The following RTTN variants were observed in gnomAD, a reference collection of about 807,000 sequenced individuals.
The protein encoded by RTTN is rotatin.
Under a neutral mutation model 269.2 loss-of-function variants are expected in RTTN, and 182 were observed. The observed-to-expected ratio is 0.68, with a 90% CI of 0.60 to 0.76. RTTN has a LOEUF of 0.76. RTTN is among the 30% of genes least tolerant of loss of function. The probability of loss-of-function intolerance (pLI) is 0.00; values close to 1 mark genes in which losing one functional copy is unlikely to be tolerated. For missense variants in RTTN, 2,545 were observed against 2,608.6 expected (o/e 0.98, Z 0.53); for synonymous variants, 1,006 against 963.5 (o/e 1.04, Z -0.82).
intron 10 of RTTN, among the ~76,000 whole-genome samples, chr18:70,186,423 A>G (rs2061548713): frequency 6.6e-6 from 1 of 152,180 alleles, no homozygotes; most frequent in Non-Finnish European, 1.5e-5. Context: ...AAACCTATCT[A>G]TGATGCCAAG....
rs189347156 is a variant in RTTN at position 70,196,482 on chromosome 18, A to T, written c.841+19T>A. On this transcript the variant is annotated intron_variant, in intron 7 of 48. Transcript: ENST00000640769. The stretch of plus-strand genomic sequence containing the variant: ...CTACAAATAACACCAGTGGCTAATG[A>T]ACAGATAAAAATAAATACCGTGTTT... 6.3e-7 allele frequency: 1 copy of T among 1,599,298 alleles called. No individual in the cohort carries two copies. The highest frequency in any genetic ancestry group is 1.8e-5 in the Admixed American group (1 of 56,400).
rs778423422 is a variant in RTTN at position 70,140,196 on chromosome 18, T to C, written c.2582-8A>G. ...CAGCATGCATTTTAATATCTGTAGA[T>C]AAAAAAAGTTACTAAAAGTTAAAGC... On this transcript the variant is annotated splice_region_variant and splice_polypyrimidine_tract_variant and intron_variant, in intron 19 of 48. Transcript: ENST00000640769. 2.0e-6 allele frequency: 3 copies of C among 1,497,978 alleles called. No individual in the cohort carries two copies. The highest frequency in any genetic ancestry group is 2.8e-6 in the Non-Finnish European group (3 of 1,079,246). The allele number at this position is 1,497,978 out of a possible 1,614,324, so 92.8% of individuals were successfully genotyped here.
At chr18:70,118,633 A>G (rs1263663858) in intron 26 of RTTN, among the ~76,000 whole-genome samples, 1 of 152,164 alleles carries the variant, frequency 6.6e-6, no homozygotes, top group African/African-American at 2.4e-5. Flanking sequence ...AACTACAAGA[A>G]AAGAAAATTA....
intron 41 of RTTN, 54 bp from the exon 42 acceptor site, chr18:70,030,163 A>G: frequency 8.8e-7 from 1 of 1,136,288 alleles, no homozygotes; most frequent in Non-Finnish European, 1.3e-6. Context: ...CAAGTAAGTT[A>G]TAACCACATA....
At chr18:70,060,705 T>C (rs530522755) in intron 35 of RTTN, among the ~76,000 whole-genome samples, 55 of 152,320 alleles carry the variant, frequency 3.6e-4, no homozygotes, top group African/African-American at 1.3e-3. Flanking sequence ...CTAGATCTTA[T>C]TCCTCCTAAC....
chr18:70,130,013 A>G (rs1481277938), intron 23 of RTTN: 1 of 152,104 alleles, frequency 6.6e-6, no homozygotes, highest in Non-Finnish European at 1.5e-5. Flanking sequence ...AATGACCAAC[A>G]GGTATATGAA....
chr18:70,185,737 A>T (rs917594684), intron 10 of RTTN, among the ~76,000 whole-genome samples: 2 of 152,176 alleles, frequency 1.3e-5, no homozygotes, highest in African/African-American at 4.8e-5. Flanking sequence ...ACAGATAACA[A>T]GATTTTATAG....
chr18:70,125,071 A>T (rs2059830832), intron 25 of RTTN, among the ~76,000 whole-genome samples: 2 of 152,078 alleles, frequency 1.3e-5, no homozygotes, highest in African/African-American at 4.8e-5. Context: ...GTTAGCATAC[A>T]CATATAAAAA....
chr18:70,013,159 C>T (rs1214718337), intron 46 of RTTN, among the ~76,000 whole-genome samples: 2 of 152,098 alleles, frequency 1.3e-5, no homozygotes, highest in African/African-American at 2.4e-5. Flanking sequence ...CAATTTATCA[C>T]GTGAGGTTAT....
chr18:70,134,799 T>A (rs2060083932), intron 22 of RTTN, among the ~76,000 whole-genome samples: 2 of 152,126 alleles, frequency 1.3e-5, no homozygotes, highest in African/African-American at 4.8e-5. Context: ...ACTTTGTGCG[T>A]CTCCTCCCAC....
rs1353396971 is a variant in RTTN at position 70,030,010 on chromosome 18, A to T, written c.5745+2T>A. On this transcript the variant is annotated splice_donor_variant, in intron 42 of 48. Coordinates refer to ENST00000640769, the MANE Select transcript of RTTN (RefSeq NM_173630.4). LOFTEE classifies it high-confidence loss of function. ...AGCCATTCATTTATCCCAGAATGTTACCTTTTTTTTCAATGCTGCTTTCCC... is the reference window on the plus strand; with the variant it reads ...AGCCATTCATTTATCCCAGAATGTTTCCTTTTTTTTCAATGCTGCTTTCCC... The T allele has an allele frequency of 6.2e-7, 1 of 1,606,006 alleles. No homozygotes were observed. The highest frequency in any genetic ancestry group is 1.3e-5 in the African/African-American group (1 of 74,690).
chr18:70,200,067 C>A (rs1344005554), intron 4 of RTTN, among the ~76,000 whole-genome samples: 1 of 152,150 alleles, frequency 6.6e-6, no homozygotes, highest in Admixed American at 6.5e-5. Flanking sequence ...TATCCCCATG[C>A]AAGTTATTTT....
chr18:70,181,338 G>A (rs1196708848), intron 10 of RTTN, among the ~76,000 whole-genome samples: 1 of 152,138 alleles, frequency 6.6e-6, no homozygotes, highest in Non-Finnish European at 1.5e-5. Flanking sequence ...TCTGGCAGGA[G>A]GTGAAAGCTA....
chr18:70,063,600 T>C (rs1244074145), intron 35 of RTTN, among the ~76,000 whole-genome samples: 1 of 151,962 alleles, frequency 6.6e-6, no homozygotes, highest in Non-Finnish European at 1.5e-5. Flanking sequence ...GAAATAAAAA[T>C]GGAAAAAATT....
At chr18:70,185,578 G>A (rs2061525999) in intron 10 of RTTN, among the ~76,000 whole-genome samples, 1 of 152,206 alleles carries the variant, frequency 6.6e-6, no homozygotes, top group South Asian at 2.1e-4. Flanking sequence ...TCATGAAGAA[G>A]GCTCTCACCA....
chr18:70,169,114 A>C (rs746245713), intron 11 of RTTN, 47 bp from the exon 12 acceptor site: 1 of 1,424,030 alleles, frequency 7.0e-7, no homozygotes, highest in Non-Finnish European at 9.5e-7. Context: ...GTTTAAAAAA[A>C]ACTTATTTTA....
chr18:70,080,054 C>T (rs951062983), intron 32 of RTTN, among the ~76,000 whole-genome samples: 2 of 151,982 alleles, frequency 1.3e-5, no homozygotes, highest in Non-Finnish European at 2.9e-5. Flanking sequence ...AATATCATTA[C>T]AATGATATCA....
intron 28 of RTTN, among the ~76,000 whole-genome samples, chr18:70,093,973 GC>G (rs1440730321): frequency 6.6e-6 from 1 of 152,154 alleles, no homozygotes; most frequent in Non-Finnish European, 1.5e-5. Context: ...CAATTTCAGA[GC>G]CTGTTATTGG....
At chr18:70,145,388 G>A (rs986202078) in intron 18 of RTTN, among the ~76,000 whole-genome samples, 2 of 152,050 alleles carry the variant, frequency 1.3e-5, no homozygotes, top group Admixed American at 6.6e-5. Flanking sequence ...TGGAAAAATT[G>A]TCCTGTGAAA....
Sources: gnomAD v4.1 joint callset for allele counts (sites outside exome capture counted in the v4.1 genomes callset) on GRCh38, gnomAD v4.1.1 for gene constraint, MANE v1.5 for transcripts, NCBI Gene and HGNC (gene_info 2026-07-23, HGNC 2026-07-21) for gene names.